Variants in FGF13 observed in about 807,000 individuals in gnomAD.
FGF13 encodes fibroblast growth factor 13, also known as fibroblast growth factor homologous factor 2.
In FGF13, 2 loss-of-function variants were observed where a neutral mutation model predicts 19.5. The ratio of observed to expected loss-of-function variants is 0.10; its 90% confidence interval spans 0.04 to 0.32. FGF13 has a LOEUF of 0.32. Ranked by LOEUF, FGF13 falls within the 10% of genes least tolerant of loss-of-function variation. The probability of loss-of-function intolerance (pLI) is 1.00; values close to 1 mark genes in which losing one functional copy is unlikely to be tolerated. For missense variants in FGF13, 113 were observed against 192.7 expected, an observed-to-expected ratio of 0.59 and a Z score of 2.45; for synonymous variants, 72 against 76.9, an observed-to-expected ratio of 0.94 and a Z score of 0.33.
chrX:138,947,818 T>G (rs1016484258), intron 1 of FGF13, among the ~76,000 whole-genome samples: 1 of 111,852 alleles, frequency 8.9e-6, no homozygotes, highest in Non-Finnish European at 1.9e-5. Flanking sequence ...AGATAGGCCT[T>G]TAAATTACAG....
rs1460495503 is a variant in FGF13, at chrX:138,617,652, G to T, written c.*15198C>A. On this transcript the variant is annotated 3_prime_UTR_variant, in exon 5 of 5. Transcript: ENST00000315930. ...GTGTGAGAGAAAAAGAGAGTGAGAA[G>T]GGGATAGCTGGGCACAGTGACTCAC... 1 of 111,616 alleles carries T rather than the reference G, an allele frequency of 9.0e-6. No homozygotes were observed. Among genetic ancestry groups the T allele is most frequent in the African/African-American group, 3.3e-5 (1 of 30,662 alleles). 9.2% of individuals were successfully genotyped at this position (111,616 alleles called of 1,213,427 possible).
At chrX:138,703,285 A>C (rs1207755345) in intron 2 of FGF13, among the ~76,000 whole-genome samples, 198 bp from the exon 3 acceptor site, 1 of 111,435 alleles carries the variant, frequency 9.0e-6, no homozygotes, top group African/African-American at 3.3e-5. Context: ...GCAGACAGAT[A>C]GGTCTCATTC....
intron 1 of FGF13, among the ~76,000 whole-genome samples, chrX:139,025,694 T>C (rs2092198206): frequency 9.0e-6 from 1 of 111,367 alleles, no homozygotes; most frequent in South Asian, 3.8e-4. Context: ...TACAGATGTG[T>C]TCCCTCTAGA....
chrX:138,833,504 AT>A (rs2091089410), intron 3 of FGF13, among the ~76,000 whole-genome samples: 1 of 111,858 alleles, frequency 8.9e-6, no homozygotes, highest in Admixed American at 9.5e-5. Context: ...TTGCACACTG[AT>A]TTTGTATCCT....
At chrX:138,971,331 A>T (rs1040877417) in intron 1 of FGF13, among the ~76,000 whole-genome samples, 8 of 105,179 alleles carry the variant, frequency 7.6e-5, no homozygotes, top group African/African-American at 2.7e-4. Flanking sequence ...ACTCAGTATC[A>T]TGTACATAGT....
At chrX:138,656,943 C>A (rs940696990) in intron 3 of FGF13, among the ~76,000 whole-genome samples, 10 of 111,851 alleles carry the variant, frequency 8.9e-5, no homozygotes, top group African/African-American at 3.2e-4. Context: ...CAGCTATGGA[C>A]ATCATTAAGG....
chrX:138,961,841 T>A (rs1452297991), intron 1 of FGF13, among the ~76,000 whole-genome samples: 1 of 111,804 alleles, frequency 8.9e-6, no homozygotes, highest in Non-Finnish European at 1.9e-5. Context: ...CAAAAATTAA[T>A]TCAAGATGGA....
At chrX:139,105,679 A>AT (rs1177764935) in intron 1 of FGF13, among the ~76,000 whole-genome samples, 4 of 112,351 alleles carry the variant, frequency 3.6e-5, no homozygotes, top group Non-Finnish European at 7.5e-5. Context: ...TAAACAAGTA[A>AT]TTATCAGCAC....
chrX:138,641,439 T>C (rs901410104), intron 3 of FGF13, among the ~76,000 whole-genome samples: 5 of 112,156 alleles, frequency 4.5e-5, no homozygotes, highest in Admixed American at 1.9e-4. Flanking sequence ...CATGTTCCGA[T>C]GATAATTAAT....
intron 3 of FGF13, among the ~76,000 whole-genome samples, chrX:138,648,368 C>A (rs1009654678): frequency 9.0e-6 from 1 of 111,638 alleles, no homozygotes; most frequent in Non-Finnish European, 1.9e-5. Flanking sequence ...CCTGGCCGGG[C>A]GTTCAAGGCC....
rs779247140 is a variant in FGF13, at chrX:139,185,284, C to T, written c.-113+18132G>A. On this transcript the variant is annotated intron_variant, in intron 1 of 2. Transcript: ENST00000421460. ...GTTCATGTTACTTTGTATACTTGAG[C>T]ATAATAAGTGTCTCTTTTAACCCAC... is the stretch of plus-strand genomic sequence containing the variant. Among the ~76,000 whole-genome samples, 8 of 112,271 alleles carry T rather than the reference C, an allele frequency of 7.1e-5. No individual in the cohort carries two copies. The South Asian group carries it at 2.9e-3, about 41-fold the overall frequency.
At chrX:138,837,643 G>C (rs2091122036) in intron 3 of FGF13, among the ~76,000 whole-genome samples, 1 of 112,147 alleles carries the variant, frequency 8.9e-6, no homozygotes, top group Non-Finnish European at 1.9e-5. Flanking sequence ...GGTGGCTGCA[G>C]GCCCTGGCTG....
chrX:139,145,571 C>T (rs779117729), intron 1 of FGF13, among the ~76,000 whole-genome samples: 2 of 110,314 alleles, frequency 1.8e-5, no homozygotes, highest in Admixed American at 1.9e-4. Flanking sequence ...AACTTACACT[C>T]CAACTGTGTG....
In FGF13 at chrX:139,010,558, G is replaced by C. The variant is rs145755352; in HGVS notation, c.-112-145908C>G. On this transcript the variant is annotated intron_variant, in intron 1 of 2. Coordinates refer to the FGF13 transcript ENST00000421460. ...AATAATCTGCTCCTGAATGATGGTTGGGTCAACAATGAAATCAAGATGGCT... is the reference window on the plus strand; with the variant it reads ...AATAATCTGCTCCTGAATGATGGTTCGGTCAACAATGAAATCAAGATGGCT... Among the ~76,000 whole-genome samples the C allele has an allele frequency of 2.2e-4, 25 of 111,779 alleles. No homozygotes were observed. In the East Asian group the frequency reaches 5.6e-3, roughly 25 times the overall value.
At chrX:138,961,400 G>T (rs1420461287) in intron 1 of FGF13, among the ~76,000 whole-genome samples, 1 of 110,972 alleles carries the variant, frequency 9.0e-6, no homozygotes, top group African/African-American at 3.3e-5. Flanking sequence ...TTGTCTCTGA[G>T]GGGCACCTAC....
intron 1 of FGF13, among the ~76,000 whole-genome samples, chrX:139,081,383 A>T (rs1313282506): frequency 9.0e-6 from 1 of 111,558 alleles, no homozygotes; most frequent in Non-Finnish European, 1.9e-5. Flanking sequence ...TCTTCTTAAC[A>T]CCTGACCTTT....
intron 1 of FGF13, among the ~76,000 whole-genome samples, chrX:139,196,400 G>A (rs748608896): frequency 2.7e-5 from 3 of 111,607 alleles, no homozygotes; most frequent in Non-Finnish European, 3.8e-5. Flanking sequence ...GATGCACATC[G>A]GAAAGTTTAA....
intron 1 of FGF13, among the ~76,000 whole-genome samples, chrX:139,154,108 A>G (rs1018102205): frequency 9.0e-6 from 1 of 111,576 alleles, no homozygotes; most frequent in Non-Finnish European, 1.9e-5. Flanking sequence ...ACCAAACACA[A>G]AAAAGTCTTC....
intron 1 of FGF13, among the ~76,000 whole-genome samples, chrX:139,145,545 C>A (rs1205216596): frequency 9.1e-6 from 1 of 110,358 alleles, no homozygotes; most frequent in Non-Finnish European, 1.9e-5. Context: ...TGCCTCTACT[C>A]CCCTTCAAGC....
Sources: allele counts gnomAD v4.1 joint callset (sites outside exome capture counted in the v4.1 genomes callset), GRCh38; gene constraint gnomAD v4.1.1; transcripts MANE v1.5; gene names NCBI Gene and HGNC (gene_info 2026-07-23, HGNC 2026-07-21).